CACNA1C: variants seen among roughly 807,000 people sequenced by gnomAD.
The protein encoded by CACNA1C is calcium voltage-gated channel subunit alpha1 C.
CACNA1C carries 30 observed loss-of-function variants against 229.0 expected under a neutral mutation model. The ratio of observed to expected loss-of-function variants is 0.13; its 90% CI spans 0.10 to 0.18. CACNA1C has a LOEUF of 0.18. Among genes scored for constraint, CACNA1C ranks in the 10% least tolerant of loss-of-function variants. The pLI is 1.00. For missense variants in CACNA1C, 1,658 were observed against 2,845.0 expected (o/e 0.58, Z 9.49); for synonymous variants, 1,114 against 1,132.5 (o/e 0.98, Z 0.33).
chr12:2,550,458 C>G, intron 10 of CACNA1C: 1 of 1,141,202 alleles, frequency 8.8e-7, no homozygotes, highest in Non-Finnish European at 1.2e-6. Context: ...ATAAATGTGA[C>G]CTGGGAGAGA....
At position 2,457,663 on chromosome 12, in the gene CACNA1C, C is replaced by G. The variant is rs561293967; in HGVS notation, c.714C>G (p.Ala238=). The change falls in exon 5 of 47, where the codon GCC becomes GCG. Residue 238 remains alanine (A), a synonymous_variant. Transcript: ENST00000399655. ...GATTTGATGTGAAGGCGCTGAGGGCCTTCCGCGTGCTGCGCCCCCTGCGGC... is the reference window on the plus strand; with the variant it reads ...GATTTGATGTGAAGGCGCTGAGGGCGTTCCGCGTGCTGCGCCCCCTGCGGC... The part of the protein sequence containing the change: ...GAGFDVKALR[A]FRVLRPLRLV... The G allele has an allele frequency of 3.7e-6, 6 of 1,608,422 alleles. No homozygotes were observed. The African/African-American group carries it at 8.0e-5, about 22-fold the overall frequency.
chr12:2,635,099 C>T (rs1270373394), intron 30 of CACNA1C, among the ~76,000 whole-genome samples: 2 of 152,156 alleles, frequency 1.3e-5, no homozygotes, highest in African/African-American at 4.8e-5. Flanking sequence ...ACCTTTCCTC[C>T]TAGTTGCTGT....
chr12:2,237,227 C>A (rs2159100), intron 3 of CACNA1C, among the ~76,000 whole-genome samples: 2 of 151,956 alleles, frequency 1.3e-5, no homozygotes, highest in East Asian at 3.9e-4. Context: ...TAAAAATATA[C>A]GTTCAAGCAA....
chr12:2,209,856 A>G (rs1029009870), intron 3 of CACNA1C, among the ~76,000 whole-genome samples: 2 of 152,238 alleles, frequency 1.3e-5, no homozygotes, highest in Non-Finnish European at 2.9e-5. Context: ...CTAAAATCAG[A>G]AGGTTTAAGA....
At chr12:2,324,972 G>A (rs73605751) in intron 3 of CACNA1C, among the ~76,000 whole-genome samples, 3,102 of 152,286 alleles carry the variant, frequency 0.02, 104 homozygotes, top group African/African-American at 0.069. Flanking sequence ...CCACAGATGA[G>A]AACACTGAGG....
At position 2,653,686 on chromosome 12, in the gene CACNA1C, G is replaced by A. The variant is rs916972146; in HGVS notation, c.4075-149G>A. 21 of 667,094 alleles carry A rather than the reference G, an allele frequency of 3.1e-5. No individual in the cohort carries two copies. The highest frequency in any genetic ancestry group is 1.8e-4 in the African/African-American group (10 of 56,140). 41.3% of individuals were successfully genotyped at this position (667,094 alleles called of 1,614,324 possible). A position where few individuals can be genotyped will look rare whatever the true frequency, so the allele number is the denominator to read the frequency against. Reference sequence around the variant, plus strand: ...TCTCAGACCTTCTCGCAGGTTCCCCGTAGTCCTGTGGGACTCTTGGAAGTG... The same window carrying A: ...TCTCAGACCTTCTCGCAGGTTCCCCATAGTCCTGTGGGACTCTTGGAAGTG... On this transcript the variant is annotated intron_variant, in intron 32 of 46. Coordinates refer to ENST00000399655, the MANE Select transcript of CACNA1C (RefSeq NM_000719.7). The surrounding 1 kb of genome is among the most constrained non-coding windows in gnomAD (Gnocchi z 4.7).
At chr12:2,175,591 TCTATTA>T (rs1430781108) in intron 3 of CACNA1C, among the ~76,000 whole-genome samples, 1 of 152,178 alleles carries the variant, frequency 6.6e-6, no homozygotes, top group African/African-American at 2.4e-5. Flanking sequence ...TCATCCTTCA[TCTATTA>T]CTGAGGCCCC....
chr12:2,484,460 C>T (rs144866749), intron 5 of CACNA1C, among the ~76,000 whole-genome samples: 58 of 152,306 alleles, frequency 3.8e-4, no homozygotes, highest in African/African-American at 1.3e-3. Context: ...AGGATCTTGT[C>T]TTCATCCTAA....
intron 5 of CACNA1C, among the ~76,000 whole-genome samples, chr12:2,478,212 A>G (rs1043624959): frequency 2.0e-5 from 3 of 152,100 alleles, no homozygotes; most frequent in African/African-American, 7.2e-5. Flanking sequence ...CCTCTCCTCT[A>G]TGCTTCCACC....
At chr12:2,535,947 A>G (rs139042240) in intron 9 of CACNA1C, among the ~76,000 whole-genome samples, 109 of 152,350 alleles carry the variant, frequency 7.2e-4, no homozygotes, top group African/African-American at 2.4e-3. Flanking sequence ...AAGAGACACC[A>G]TGGGGTTGGA....
Position 2,108,400 on chromosome 12 carries a change from C to T in CACNA1C, c.50-6824C>T, listed in dbSNP as rs917731088. On this transcript the variant is annotated intron_variant, in intron 1 of 46. Transcript: ENST00000399655. This position sits in a 1 kb window ranked among gnomAD's most constrained non-coding sequence, Gnocchi z 5.3. ...CCAAGGGCTGGCTCTGGGATCACAC[C>T]GCCTTATGCATGATCCAGGAATCAG... Among the ~76,000 whole-genome samples the T allele has an allele frequency of 2.0e-5, 3 of 152,196 alleles. No individual in the cohort carries two copies. The highest frequency in any genetic ancestry group is 2.9e-5 in the Non-Finnish European group (2 of 68,038).
intron 3 of CACNA1C, among the ~76,000 whole-genome samples, chr12:2,209,605 C>T (rs972543910): frequency 3.3e-5 from 5 of 152,158 alleles, no homozygotes; most frequent in African/African-American, 1.2e-4. Flanking sequence ...TTTAGAAATA[C>T]AATTTAGGGA....
chr12:2,239,165 A>G (rs1600247562), intron 3 of CACNA1C, among the ~76,000 whole-genome samples: 1 of 152,160 alleles, frequency 6.6e-6, no homozygotes, highest in East Asian at 1.9e-4. Flanking sequence ...AGGAGCCGTG[A>G]AGATAATCAG....
intron 3 of CACNA1C, among the ~76,000 whole-genome samples, chr12:2,369,068 C>T (rs1351175689): frequency 6.6e-6 from 1 of 152,104 alleles, no homozygotes; most frequent in African/African-American, 2.4e-5. Flanking sequence ...TTCAACAGCA[C>T]CATTTTAAAA....
chr12:2,623,710 C>T (rs1414604870), intron 29 of CACNA1C, among the ~76,000 whole-genome samples: 1 of 152,206 alleles, frequency 6.6e-6, no homozygotes, highest in East Asian at 1.9e-4. Context: ...TGCCTGTCAT[C>T]TCTGTCAGTG....
chr12:2,433,115 A>G (rs1416903247), intron 3 of CACNA1C, among the ~76,000 whole-genome samples: 1 of 152,226 alleles, frequency 6.6e-6, no homozygotes, highest in Admixed American at 6.5e-5. Flanking sequence ...AAGGGTGTCC[A>G]GGCTGCTGCT....
At chr12:2,094,391 C>A (rs148142276) in intron 1 of CACNA1C, among the ~76,000 whole-genome samples, 1 of 152,264 alleles carries the variant, frequency 6.6e-6, no homozygotes, top group Non-Finnish European at 1.5e-5. Flanking sequence ...TTCAGGAGTA[C>A]TTTTCAGATT....
intron 3 of CACNA1C, among the ~76,000 whole-genome samples, chr12:2,357,600 T>G (rs561156423): frequency 6.6e-6 from 1 of 151,290 alleles, no homozygotes; most frequent in Non-Finnish European, 1.5e-5. Context: ...GGTTTAGGAT[T>G]GAACCAAAGG....
At position 2,630,863 on chromosome 12, in the gene CACNA1C, G is replaced by A. The variant is rs1018436561; in HGVS notation, c.3829-3434G>A. On this transcript the variant is annotated intron_variant, in intron 29 of 46. Transcript: ENST00000399655. This position sits in a 1 kb window ranked among gnomAD's most constrained non-coding sequence, Gnocchi z 5.4. The stretch of plus-strand genomic sequence containing the variant: ...GCTGAGGACAAGTGTGAGGCACAAG[G>A]CCTTAACTCCAACAGAGCCCAGCCA... 1.3e-5 allele frequency among the ~76,000 whole-genome samples: 2 copies of A among 152,112 alleles called. No homozygotes were observed. The highest frequency in any genetic ancestry group is 2.4e-5 in the African/African-American group (1 of 41,412).
Sources: gnomAD v4.1 joint callset for allele counts (sites outside exome capture counted in the v4.1 genomes callset) on GRCh38, gnomAD v4.1.1 for gene constraint, Gnocchi (gnomAD v3.1) non-coding constraint, MANE v1.5 for transcripts, NCBI Gene and HGNC (gene_info 2026-07-23, HGNC 2026-07-21) for gene names.